Variants in KIRREL1 observed in about 807,000 individuals in gnomAD.
KIRREL1 encodes kirre like nephrin family adhesion molecule 1.
Under a neutral mutation model 83.3 loss-of-function variants are expected in KIRREL1, and 25 were observed. That is an observed-to-expected ratio of 0.30 (90% confidence interval 0.22 to 0.42). The LOEUF (loss-of-function observed/expected upper bound fraction) is 0.42. Ranked by LOEUF, KIRREL1 falls within the 10% of genes least tolerant of loss-of-function variation. The pLI is 1.00. For missense variants in KIRREL1, 812 were observed against 1,032.3 expected (o/e 0.79, Z 2.92); for synonymous variants, 388 against 410.4 (o/e 0.95, Z 0.66).
At position 158,038,244 on chromosome 1, in the gene KIRREL1, T is replaced by C. The variant is rs369747174; in HGVS notation, c.53-37869T>C. 9.8e-5 allele frequency among the ~76,000 whole-genome samples: 15 copies of C among 152,332 alleles called. No homozygotes were observed. In the Middle Eastern group the frequency reaches 0.017, roughly 173 times the overall value. On this transcript the variant is annotated intron_variant, in intron 1 of 14. Transcript: ENST00000359209. ...AGTTCTCAATTCAGCAAATGTTTATTGAGTCTTCCACTCTGTGCCCCGCAC... is the reference window on the plus strand; with the variant it reads ...AGTTCTCAATTCAGCAAATGTTTATCGAGTCTTCCACTCTGTGCCCCGCAC...
intron 1 of KIRREL1, among the ~76,000 whole-genome samples, chr1:158,056,181 C>T (rs975056114): frequency 5.3e-5 from 8 of 152,230 alleles, no homozygotes; most frequent in African/African-American, 1.9e-4. Flanking sequence ...CTCTGTTTGT[C>T]AACACCATTC....
At chr1:158,063,142 C>T (rs1047920010) in intron 1 of KIRREL1, among the ~76,000 whole-genome samples, 2 of 152,094 alleles carry the variant, frequency 1.3e-5, no homozygotes, top group African/African-American at 2.4e-5. Flanking sequence ...CCATTCTGGC[C>T]GATAAATGTG....
intron 5 of KIRREL1, 24 bp from the exon 6 acceptor site, chr1:158,087,731 G>A (rs1359262870): frequency 6.4e-7 from 1 of 1,566,164 alleles, no homozygotes; most frequent in African/African-American, 1.4e-5. Context: ...AAAAGACCCT[G>A]ACTCCCTGTG....
intron 1 of KIRREL1, among the ~76,000 whole-genome samples, chr1:158,023,445 G>T (rs970436874): frequency 6.6e-6 from 1 of 152,136 alleles, no homozygotes; most frequent in Non-Finnish European, 1.5e-5. Context: ...TTTCACTTAA[G>T]AACAATAATA....
intron 1 of KIRREL1, among the ~76,000 whole-genome samples, chr1:158,028,247 A>C (rs1160693131): frequency 6.6e-6 from 1 of 152,208 alleles, no homozygotes; most frequent in Non-Finnish European, 1.5e-5. Flanking sequence ...CTGCCTGCGC[A>C]GGGGCTGTTG....
chr1:158,058,582 C>T (rs950294153), intron 1 of KIRREL1, among the ~76,000 whole-genome samples: 2 of 152,164 alleles, frequency 1.3e-5, no homozygotes, highest in Non-Finnish European at 1.5e-5. Flanking sequence ...GGAATTCTGA[C>T]ACCTAGGTTT....
chr1:158,074,004 G>GT (rs1661597394), intron 1 of KIRREL1, among the ~76,000 whole-genome samples: 1 of 152,250 alleles, frequency 6.6e-6, no homozygotes, highest in Non-Finnish European at 1.5e-5. Flanking sequence ...AAGGAGAAAC[G>GT]TGAGTGTGGA....
chr1:158,090,907 A>G (rs770134467), intron 10 of KIRREL1, among the ~76,000 whole-genome samples: 1 of 152,188 alleles, frequency 6.6e-6, no homozygotes, highest in Admixed American at 6.5e-5. Flanking sequence ...GAGGCCACAC[A>G]GGGGCTTGAT....
chr1:158,027,206 T>C (rs1571547739), intron 1 of KIRREL1, among the ~76,000 whole-genome samples: 1 of 152,144 alleles, frequency 6.6e-6, no homozygotes, highest in Non-Finnish European at 1.5e-5. Flanking sequence ...CTCAAAGAGG[T>C]AGGAAACACA....
At chr1:158,012,876 G>A (rs1659726768) in intron 1 of KIRREL1, among the ~76,000 whole-genome samples, 1 of 152,222 alleles carries the variant, frequency 6.6e-6, no homozygotes, top group South Asian at 2.1e-4. Context: ...TGCTTAAGCT[G>A]GACACAGCTA....
intron 10 of KIRREL1, 125 bp downstream of exon 10, chr1:158,089,943 C>T (rs1253476083): frequency 1.3e-6 from 1 of 775,408 alleles, no homozygotes; most frequent in Admixed American, 2.1e-5. Context: ...CTCGAATCTT[C>T]TGCTTTCTGT....
chr1:158,079,693 G>C (rs896200632), intron 3 of KIRREL1, among the ~76,000 whole-genome samples: 1 of 152,244 alleles, frequency 6.6e-6, no homozygotes, highest in Non-Finnish European at 1.5e-5. Context: ...AGTGGAAAGA[G>C]AGAGTCCTAG....
Position 157,993,665 on chromosome 1 carries a change from C to G in KIRREL1, c.-12C>G. The stretch of plus-strand genomic sequence containing the variant: ...GCCCCAGCCGCGGGCGGGCGCACGG[C>G]GGGCGGACAGCATGCTGAGCCTCCT... On this transcript the variant is annotated 5_prime_UTR_variant, in exon 1 of 15. Coordinates refer to ENST00000359209, the MANE Select transcript of KIRREL1 (RefSeq NM_018240.7). The G allele has an allele frequency of 6.8e-7, 1 of 1,476,128 alleles. No individual in the cohort carries two copies. Among genetic ancestry groups the G allele is most frequent in the Non-Finnish European group, 9.0e-7 (1 of 1,111,104 alleles). The allele number at this position is 1,476,128 out of a possible 1,614,324, so 91.4% of individuals were successfully genotyped here.
At chr1:158,018,785 C>A (rs762841310) in intron 1 of KIRREL1, among the ~76,000 whole-genome samples, 3 of 152,150 alleles carry the variant, frequency 2.0e-5, no homozygotes, top group Admixed American at 6.5e-5. Context: ...GTTTGAGAAC[C>A]ATTTGTGGCA....
chr1:158,001,279 A>G (rs1249229197), intron 1 of KIRREL1, among the ~76,000 whole-genome samples: 2 of 152,212 alleles, frequency 1.3e-5, no homozygotes, highest in Non-Finnish European at 2.9e-5. Flanking sequence ...ATAATGTACT[A>G]GATCTCTGCC....
chr1:158,080,905 G>A (rs1301244712), intron 3 of KIRREL1, among the ~76,000 whole-genome samples: 1 of 150,804 alleles, frequency 6.6e-6, no homozygotes. Flanking sequence ...CATGGCAGCT[G>A]GGGGACCCAG....
intron 2 of KIRREL1, 86 bp downstream of exon 2, chr1:158,076,348 C>A: frequency 4.8e-6 from 6 of 1,241,586 alleles, no homozygotes; most frequent in African/African-American, 1.5e-5. Context: ...ACTCACCATC[C>A]CTTAGTTCCC....
At chr1:158,053,800 G>C (rs985616513) in intron 1 of KIRREL1, among the ~76,000 whole-genome samples, 1 of 152,172 alleles carries the variant, frequency 6.6e-6, no homozygotes, top group Non-Finnish European at 1.5e-5. Context: ...CTGGCACATA[G>C]TAGGTCCCCA....
rs60980289 is a variant in KIRREL1, at chr1:158,029,337, CTGTG to C, written c.52+35636_52+35639del. Among the ~76,000 whole-genome samples, 433 of 69,306 alleles carry C rather than the reference CTGTG, an allele frequency of 6.2e-3. 3 individuals carry two copies. The highest frequency in any genetic ancestry group is 0.017 in the African/African-American group (385 of 22,418). The allele number at this position is 69,306 out of a possible 152,430, so 45.5% of individuals were successfully genotyped here. On this transcript the variant is annotated intron_variant, in intron 1 of 14. Coordinates refer to ENST00000359209, the MANE Select transcript of KIRREL1 (RefSeq NM_018240.7). The stretch of plus-strand genomic sequence containing the variant: ...CTCTCCCTATTGCTGTAACAAAAAC[CTGTG>C]TGTGTGTGTGTGTGTGTGTGTGTGT...
Sources: allele counts gnomAD v4.1 joint callset (sites outside exome capture counted in the v4.1 genomes callset), GRCh38; gene constraint gnomAD v4.1.1; transcripts MANE v1.5; gene names NCBI Gene and HGNC (gene_info 2026-07-23, HGNC 2026-07-21).